CUX2: variants seen among roughly 807,000 people sequenced by gnomAD.
The protein encoded by CUX2 is cut like homeobox 2.
CUX2 carries 40 observed loss-of-function variants against 144.8 expected under a neutral mutation model. That is an observed-to-expected ratio of 0.28 (90% CI 0.21 to 0.36). CUX2 has a LOEUF of 0.36. CUX2 is among the 10% of genes least tolerant of loss of function. The pLI is 1.00. For missense variants in CUX2, 1,615 were observed against 1,994.0 expected, an observed-to-expected ratio of 0.81 and a Z score of 3.62; for synonymous variants, 827 against 875.6, an observed-to-expected ratio of 0.94 and a Z score of 0.98.
chr12:111,317,076 T>G (rs1320092956), intron 16 of CUX2, among the ~76,000 whole-genome samples: 2 of 152,214 alleles, frequency 1.3e-5, no homozygotes, highest in African/African-American at 4.8e-5. Context: ...TTCCTTTTTA[T>G]GACAAAATAA....
intron 1 of CUX2, among the ~76,000 whole-genome samples, chr12:111,069,537 T>TGTGTGTGTGTGTGCGCGCGCGC (rs1566199189): frequency 1.5e-5 from 2 of 134,808 alleles, no homozygotes; most frequent in African/African-American, 7.9e-5. Flanking sequence ...TGTGTGTGTG[T>TGTGTGTGTGTGTGCGCGCGCGC]GTGTGTGTGT....
At chr12:111,313,590 C>T (rs933236581) in intron 16 of CUX2, among the ~76,000 whole-genome samples, 7 of 151,020 alleles carry the variant, frequency 4.6e-5, no homozygotes, top group African/African-American at 1.5e-4. Context: ...TACAGTGAGC[C>T]GAGATCACAC....
chr12:111,147,441 C>A (rs1876755642), intron 1 of CUX2, among the ~76,000 whole-genome samples: 1 of 152,218 alleles, frequency 6.6e-6, no homozygotes, highest in Non-Finnish European at 1.5e-5. Flanking sequence ...GCCAGGCTCC[C>A]ACTGTGCCCC....
At chr12:111,199,127 C>T (rs1471767392) in intron 1 of CUX2, among the ~76,000 whole-genome samples, 2 of 152,046 alleles carry the variant, frequency 1.3e-5, no homozygotes, top group African/African-American at 4.8e-5. Context: ...TGGACAAAGG[C>T]GGCAGTGGGA....
At chr12:111,214,691 C>A (rs1277295228) in intron 2 of CUX2, among the ~76,000 whole-genome samples, 1 of 152,198 alleles carries the variant, frequency 6.6e-6, no homozygotes, top group Non-Finnish European at 1.5e-5. Flanking sequence ...CTCTCTAACA[C>A]CCTCTCGGGG....
chr12:111,141,266 G>A (rs550428146), intron 1 of CUX2, among the ~76,000 whole-genome samples: 11 of 147,968 alleles, frequency 7.4e-5, no homozygotes, highest in Admixed American at 1.3e-4. Flanking sequence ...ATTCTTCTTG[G>A]TAGAGGTGTT....
intron 17 of CUX2, among the ~76,000 whole-genome samples, chr12:111,321,242 G>A (rs1238931147): frequency 6.6e-6 from 1 of 152,050 alleles, no homozygotes; most frequent in Non-Finnish European, 1.5e-5. Context: ...GCTGAGGCGG[G>A]CAGATCATGA....
chr12:111,274,951 CA>C (rs5800926), intron 4 of CUX2, among the ~76,000 whole-genome samples: 45,343 of 133,100 alleles, frequency 0.34, 8,062 homozygotes, highest in African/African-American at 0.53. Flanking sequence ...CTCCATGATT[CA>C]AAAAAAAAAA....
At chr12:111,210,853 A>G (rs1228674709) in intron 1 of CUX2, among the ~76,000 whole-genome samples, 1 of 152,050 alleles carries the variant, frequency 6.6e-6, no homozygotes, top group East Asian at 1.9e-4. Context: ...CATCCATATC[A>G]TTTAAAACAA....
intron 1 of CUX2, among the ~76,000 whole-genome samples, chr12:111,105,724 T>G (rs1423957079): frequency 1.3e-4 from 20 of 152,172 alleles, no homozygotes; most frequent in Non-Finnish European, 5.9e-5. Context: ...TGGCTTCACC[T>G]CTCTGTGACT....
intron 3 of CUX2, among the ~76,000 whole-genome samples, chr12:111,259,793 CAAAA>C (rs770448329): frequency 8.1e-5 from 6 of 74,260 alleles, no homozygotes; most frequent in African/African-American, 7.6e-5. Context: ...GACTCTGTCT[CAAAA>C]AAAAAAAAAA....
At chr12:111,283,448 T>C (rs769024194) in intron 4 of CUX2, among the ~76,000 whole-genome samples, 1 of 152,176 alleles carries the variant, frequency 6.6e-6, no homozygotes, top group African/African-American at 2.4e-5. Context: ...GAGTGGCACC[T>C]TCCACAGCTG....
intron 9 of CUX2, among the ~76,000 whole-genome samples, chr12:111,302,376 C>T (rs1266916435): frequency 6.6e-6 from 1 of 152,168 alleles, no homozygotes; most frequent in Non-Finnish European, 1.5e-5. Flanking sequence ...TACCAAATTG[C>T]ATTTGGCCAA....
At chr12:111,043,121 A>G (rs2136003905) in intron 1 of CUX2, among the ~76,000 whole-genome samples, 1 of 152,358 alleles carries the variant, frequency 6.6e-6, no homozygotes, top group Admixed American at 6.5e-5. Context: ...ATAATTACAT[A>G]TTAAAGATGA....
At position 111,153,776 on chromosome 12, in the gene CUX2, C is replaced by G. The variant is rs779359113; in HGVS notation, c.64-60424C>G. Among the ~76,000 whole-genome samples the G allele has an allele frequency of 9.2e-5, 14 of 152,232 alleles. No individual in the cohort carries two copies. In the South Asian group the frequency reaches 1.0e-3, roughly 11 times the overall value. On this transcript the variant is annotated intron_variant, in intron 1 of 21. Coordinates refer to ENST00000261726, the MANE Select transcript of CUX2 (RefSeq NM_015267.4). ...ATGGCCTCACCCCAGGAATGTATCT[C>G]AGTATATTCGTTTGCTAGGTCTGCC...
Position 111,310,306 on chromosome 12 carries a change from C to A in CUX2, c.1524C>A (p.Pro508=). 6.7e-7 allele frequency: 1 copy of A among 1,503,422 alleles called. No homozygotes were observed. Among genetic ancestry groups the A allele is most frequent in the East Asian group, 2.4e-5 (1 of 41,856 alleles). 93.1% of individuals were successfully genotyped at this position (1,503,422 alleles called of 1,614,324 possible). A position where few individuals can be genotyped will look rare whatever the true frequency, so the allele number is the denominator to read the frequency against. ...AGGCGGGCGGCCTGCTGGTGTTCCC[C>A]CCAGCCTTCTATGGCGCCAAGCCCC... ...KGEAGGLLVF[P]PAFYGAKPPT... Residue 508 remains proline, a synonymous_variant, in exon 15 of 22, where the codon CCC becomes CCA. Transcript: ENST00000261726. The surrounding 1 kb of genome is among the most constrained non-coding windows in gnomAD (Gnocchi z 7.9).
chr12:111,077,548 G>T lies in CUX2; in HGVS notation c.63+43308G>T, dbSNP rs1871608900. 6.6e-6 allele frequency among the ~76,000 whole-genome samples: 1 copy of T among 152,192 alleles called. No homozygotes were observed. Among genetic ancestry groups the T allele is most frequent in the South Asian group, 2.1e-4 (1 of 4,828 alleles). On this transcript the variant is annotated intron_variant, in intron 1 of 21. Transcript: ENST00000261726. The surrounding 1 kb of genome is among the most constrained non-coding windows in gnomAD (Gnocchi z 4.1). ...AGTTCATGGGTTAATAACAGGTTTGGTTTTCGATGTCAGCAGCTCTCTTGA... is the reference window on the plus strand; with the variant it reads ...AGTTCATGGGTTAATAACAGGTTTGTTTTTCGATGTCAGCAGCTCTCTTGA...
intron 1 of CUX2, among the ~76,000 whole-genome samples, chr12:111,120,481 T>A (rs1566234705): frequency 2.0e-5 from 3 of 152,100 alleles, no homozygotes; most frequent in Admixed American, 6.5e-5. Flanking sequence ...CTGAACCGTG[T>A]TGGCTCCCAG....
intron 4 of CUX2, among the ~76,000 whole-genome samples, chr12:111,269,389 G>A (rs879746009): frequency 3.3e-5 from 5 of 152,222 alleles, no homozygotes; most frequent in Admixed American, 2.0e-4. Context: ...CACATCTTGT[G>A]TTGTTTACTC....
Sources: gnomAD v4.1 joint callset for allele counts (sites outside exome capture counted in the v4.1 genomes callset) on GRCh38, gnomAD v4.1.1 for gene constraint, Gnocchi (gnomAD v3.1) non-coding constraint, MANE v1.5 for transcripts, NCBI Gene and HGNC (gene_info 2026-07-23, HGNC 2026-07-21) for gene names.